The following TRPM6 variants were observed in gnomAD, a reference collection of about 807,000 sequenced individuals.
TRPM6 encodes the protein channel kinase 2.
TRPM6 carries 111 observed loss-of-function variants against 247.6 expected under a neutral mutation model. The observed-to-expected ratio is 0.45, with a 90% CI of 0.38 to 0.52. The LOEUF (loss-of-function observed/expected upper bound fraction) is 0.52, where lower values mean the gene tolerates loss of function less well. Ranked by LOEUF, TRPM6 falls within the 20% of genes least tolerant of loss-of-function variation. The pLI, the probability that TRPM6 is intolerant of heterozygous loss-of-function variation, is 0.00. For synonymous variants in TRPM6, 892 were observed against 853.8 expected (o/e 1.04, Z -0.78); for missense variants, 2,126 against 2,421.5 (o/e 0.88, Z 2.56).
At chr9:74,805,186 G>T (rs1465553237) in intron 14 of TRPM6, among the ~76,000 whole-genome samples, 1 of 152,172 alleles carries the variant, frequency 6.6e-6, no homozygotes, top group Non-Finnish European at 1.5e-5. Flanking sequence ...CTTTTGGCAT[G>T]AATGTTTCCA....
At chr9:74,836,252 G>A (rs569453957) in intron 5 of TRPM6, among the ~76,000 whole-genome samples, 1 of 152,240 alleles carries the variant, frequency 6.6e-6, no homozygotes, top group African/African-American at 2.4e-5. Flanking sequence ...GGCTTGATCT[G>A]ACCTTTAAAT....
chr9:74,801,770 AGGAGAG>A, intron 16 of TRPM6, 122 bp downstream of exon 16: 1 of 1,166,312 alleles, frequency 8.6e-7, no homozygotes, highest in South Asian at 1.3e-5. Flanking sequence ...CCCTTTTAAC[AGGAGAG>A]TCCATAAAAT....
intron 1 of TRPM6, among the ~76,000 whole-genome samples, chr9:74,876,961 A>G (rs1030181306): frequency 6.6e-6 from 1 of 152,242 alleles, no homozygotes; most frequent in Non-Finnish European, 1.5e-5. Context: ...TCTCCAAAGA[A>G]CAAATGTCGA....
At chr9:74,803,759 T>A in intron 15 of TRPM6, 35 bp downstream of exon 15, 1 of 1,470,510 alleles carries the variant, frequency 6.8e-7, no homozygotes, top group Non-Finnish European at 9.5e-7. Flanking sequence ...GCAAAAAACA[T>A]TTTCCTTTCA....
At chr9:74,871,581 A>G (rs1831032985) in intron 1 of TRPM6, among the ~76,000 whole-genome samples, 1 of 152,222 alleles carries the variant, frequency 6.6e-6, no homozygotes, top group East Asian at 1.9e-4. Context: ...CACAACATAC[A>G]TACAGCATAG....
chr9:74,782,552 C>T (rs1400428321), intron 22 of TRPM6, 76 bp from the exon 23 acceptor site: 5 of 1,439,154 alleles, frequency 3.5e-6, no homozygotes, highest in African/African-American at 1.4e-5. Context: ...ACATTTAGCA[C>T]ATTAACTGCA....
intron 7 of TRPM6, among the ~76,000 whole-genome samples, chr9:74,824,390 G>T (rs1041300139): frequency 6.6e-5 from 10 of 151,386 alleles, no homozygotes; most frequent in African/African-American, 2.4e-4. Flanking sequence ...GACCTCAGGG[G>T]ATCCATCCAC....
chr9:74,787,843 G>A (rs1720945646), intron 20 of TRPM6, among the ~76,000 whole-genome samples: 3 of 152,186 alleles, frequency 2.0e-5, no homozygotes, highest in Admixed American at 1.3e-4. Context: ...AGCCTCCCAA[G>A]TAGCTGGGAT....
intron 34 of TRPM6, 130 bp downstream of exon 34, chr9:74,739,593 G>T: frequency 6.6e-7 from 1 of 1,515,704 alleles, no homozygotes; most frequent in Non-Finnish European, 9.1e-7. Context: ...GTCCTACAAA[G>T]CAATACTACC....
chr9:74,846,837 C>T (rs1830125462), intron 3 of TRPM6, among the ~76,000 whole-genome samples: 1 of 152,198 alleles, frequency 6.6e-6, no homozygotes, highest in South Asian at 2.1e-4. Flanking sequence ...TCGTGAGCCA[C>T]TGCTCCCGGC....
At chr9:74,735,052 C>T (rs1291668165) in intron 36 of TRPM6, among the ~76,000 whole-genome samples, 1 of 151,938 alleles carries the variant, frequency 6.6e-6, no homozygotes, top group African/African-American at 2.4e-5. Flanking sequence ...ATCACTATCA[C>T]TACAAACAAA....
chr9:74,832,583 G>A (rs1160264731), intron 6 of TRPM6, among the ~76,000 whole-genome samples: 2 of 152,096 alleles, frequency 1.3e-5, no homozygotes, highest in Non-Finnish European at 2.9e-5. Context: ...GAAATTATTT[G>A]ATGTCTCAAA....
Position 74,816,477 on chromosome 9 carries a change from A to C in TRPM6, c.1308+192T>G, listed in dbSNP as rs201758206. On this transcript the variant is annotated intron_variant, in intron 11 of 38. Transcript: ENST00000360774. ...ATTGCAGAGCCAGGAAAAAAAAAAA[A>C]AAAAAAAAAAAACAGATGGTTTTCA... Among the ~76,000 whole-genome samples, 19 of 151,342 alleles carry C rather than the reference A, an allele frequency of 1.3e-4. No individual in the cohort carries two copies. In the East Asian group the frequency reaches 3.3e-3, roughly 26 times the overall value.
At chr9:74,777,727 G>C (rs1021314387) in intron 23 of TRPM6, among the ~76,000 whole-genome samples, 1 of 152,158 alleles carries the variant, frequency 6.6e-6, no homozygotes, top group Non-Finnish European at 1.5e-5. Context: ...AGGTCTCACT[G>C]TGGCACCTTC....
chr9:74,870,839 G>A (rs1205458331), intron 1 of TRPM6, among the ~76,000 whole-genome samples: 1 of 152,016 alleles, frequency 6.6e-6, no homozygotes, highest in Non-Finnish European at 1.5e-5. Flanking sequence ...CAGGAGACTT[G>A]CTTGAATTCG....
chr9:74,761,434 G>T (rs1009600328), intron 27 of TRPM6, among the ~76,000 whole-genome samples: 2 of 152,144 alleles, frequency 1.3e-5, no homozygotes, highest in Admixed American at 1.3e-4. Context: ...TTATATCTGG[G>T]TGTGGTTGTG....
At chr9:74,859,804 A>G (rs1319302605) in intron 1 of TRPM6, among the ~76,000 whole-genome samples, 1 of 151,914 alleles carries the variant, frequency 6.6e-6, no homozygotes, top group Non-Finnish European at 1.5e-5. Flanking sequence ...ATGTGTCCAT[A>G]TTACTTTATA....
chr9:74,807,491 A>G (rs1828566111), intron 14 of TRPM6, among the ~76,000 whole-genome samples: 1 of 152,212 alleles, frequency 6.6e-6, no homozygotes, highest in Non-Finnish European at 1.5e-5. Context: ...CTACTAACCA[A>G]CAACTCTAAT....
intron 12 of TRPM6, among the ~76,000 whole-genome samples, chr9:74,811,215 A>G (rs1828717638): frequency 6.6e-6 from 1 of 152,224 alleles, no homozygotes; most frequent in African/African-American, 2.4e-5. Flanking sequence ...AATACTTACT[A>G]TATTCAATTA....
Sources: allele counts gnomAD v4.1 joint callset (sites outside exome capture counted in the v4.1 genomes callset), GRCh38; gene constraint gnomAD v4.1.1; transcripts MANE v1.5; gene names NCBI Gene and HGNC (gene_info 2026-07-23, HGNC 2026-07-21).